Variants in VPS13B observed in about 807,000 individuals in gnomAD.
VPS13B encodes the protein intermembrane lipid transfer protein VPS13B.
Under a neutral mutation model 426.4 loss-of-function variants are expected in VPS13B, and 285 were observed. The observed-to-expected ratio is 0.67, with a 90% CI of 0.61 to 0.74. The LOEUF is 0.74. VPS13B is among the 30% of genes least tolerant of loss of function. VPS13B has a pLI of 0.00. For missense variants in VPS13B, 4,537 were observed against 4,782.6 expected (o/e 0.95, Z 1.51); for synonymous variants, 1,676 against 1,676.4 (o/e 1.00, Z 0.01).
At chr8:99,222,123 T>C (rs544561839) in intron 17 of VPS13B, among the ~76,000 whole-genome samples, 1 of 152,354 alleles carries the variant, frequency 6.6e-6, no homozygotes, top group Admixed American at 6.5e-5. Flanking sequence ...GGATGACCTG[T>C]AGGCCGTAAA....
At chr8:99,682,892 A>G (rs947919943) in intron 35 of VPS13B, among the ~76,000 whole-genome samples, 7 of 152,176 alleles carry the variant, frequency 4.6e-5, no homozygotes, top group Non-Finnish European at 8.8e-5. Flanking sequence ...CAGAAACCTT[A>G]GGAATCTACT....
At chr8:99,445,164 C>CA (rs1817851566) in intron 23 of VPS13B, among the ~76,000 whole-genome samples, 1 of 150,788 alleles carries the variant, frequency 6.6e-6, no homozygotes, top group Admixed American at 6.6e-5. Flanking sequence ...TTTTCACTTC[C>CA]TTGATGGCTT....
intron 39 of VPS13B, among the ~76,000 whole-genome samples, chr8:99,734,809 T>C (rs1005261081): frequency 5.9e-5 from 9 of 152,138 alleles, no homozygotes; most frequent in Admixed American, 2.0e-4. Context: ...GATGGAGACA[T>C]CTGGAGGCAG....
At chr8:99,637,104 A>G (rs1829102466) in intron 33 of VPS13B, among the ~76,000 whole-genome samples, 1 of 152,094 alleles carries the variant, frequency 6.6e-6, no homozygotes, top group African/African-American at 2.4e-5. Context: ...CCCCTTGGAC[A>G]ATAATAAAGC....
intron 19 of VPS13B, among the ~76,000 whole-genome samples, chr8:99,299,708 G>A (rs1168397174): frequency 6.6e-6 from 1 of 151,786 alleles, no homozygotes; most frequent in African/African-American, 2.4e-5. Flanking sequence ...TCAGGAGTTC[G>A]AGACCAGCTT....
At position 99,876,105 on chromosome 8, in the gene VPS13B, T is replaced by TCTC. The variant is rs1817690090; in HGVS notation, c.*440_*442dup. On this transcript the variant is annotated 3_prime_UTR_variant, in exon 62 of 62. Coordinates refer to ENST00000357162, the MANE Select transcript of VPS13B (RefSeq NM_152564.5). ...TAATTAATTTGGGTCTATTATTAACTCTCTGTTCCATCATAGAATGTGGCC... is the reference window on the plus strand; with the variant it reads ...TAATTAATTTGGGTCTATTATTAACTCTCCTCTGTTCCATCATAGAATGTGGCC... 1 of 199,194 alleles carries TCTC rather than the reference T, an allele frequency of 5.0e-6. No homozygotes were observed. The highest frequency in any genetic ancestry group is 1.0e-5 in the Non-Finnish European group (1 of 96,972). 12.3% of individuals were successfully genotyped at this position (199,194 alleles called of 1,614,324 possible).
chr8:99,481,743 A>C lies in VPS13B; in HGVS notation c.3811A>C (p.Thr1271Pro). The C allele has an allele frequency of 6.2e-7, 1 of 1,613,984 alleles. No individual in the cohort carries two copies. Among genetic ancestry groups the C allele is most frequent in the East Asian group, 2.2e-5 (1 of 44,868 alleles). Reference sequence around the variant, plus strand: ...TTCTCCAGTTAGAAGCAGTATAGGCACAGCTCCTCCAGATACCAGCACATG... The same window carrying C: ...TTCTCCAGTTAGAAGCAGTATAGGCCCAGCTCCTCCAGATACCAGCACATG... Reference protein sequence around the residue: ...PTSPVRSSIGTAPPDTSTCSP... With the variant: ...PTSPVRSSIGPAPPDTSTCSP... Residue 1271 changes from threonine (T) to proline (P), a missense_variant, in exon 25 of 62, where the codon ACA becomes CCA. By Grantham distance (38) the Thr-to-Pro change is conservative. Transcript: ENST00000357162.
intron 21 of VPS13B, among the ~76,000 whole-genome samples, chr8:99,418,203 A>G (rs566111142): frequency 6.6e-6 from 1 of 152,244 alleles, no homozygotes; most frequent in East Asian, 1.9e-4. Context: ...TAGGTACTCC[A>G]TAAGTAGTTT....
At chr8:99,819,023 T>C in intron 47 of VPS13B, 135 bp downstream of exon 47, 1 of 889,330 alleles carries the variant, frequency 1.1e-6, no homozygotes, top group Non-Finnish European at 1.8e-6. Flanking sequence ...GTATGATTTC[T>C]TATCTTATGA....
intron 34 of VPS13B, among the ~76,000 whole-genome samples, chr8:99,647,842 TG>T (rs1432756241): frequency 1.3e-5 from 2 of 152,126 alleles, no homozygotes; most frequent in African/African-American, 4.8e-5. Context: ...AGTATGGCTC[TG>T]GGTGATGCTT....
chr8:99,072,060 TC>T (rs1844880926), intron 3 of VPS13B, among the ~76,000 whole-genome samples: 1 of 152,010 alleles, frequency 6.6e-6, no homozygotes, highest in Non-Finnish European at 1.5e-5. Context: ...TTCTTGGTGC[TC>T]TGCGATTTTG....
intron 33 of VPS13B, among the ~76,000 whole-genome samples, chr8:99,595,989 C>CA (rs1196515895): frequency 2.0e-5 from 3 of 151,754 alleles, no homozygotes; most frequent in East Asian, 3.9e-4. Flanking sequence ...TGGCTACAGT[C>CA]AAAAAAAGTC....
chr8:99,102,018 A>G (rs1846780460), intron 4 of VPS13B, among the ~76,000 whole-genome samples: 2 of 152,096 alleles, frequency 1.3e-5, no homozygotes, highest in African/African-American at 4.8e-5. Context: ...AATGCTTTTT[A>G]TAAAGTGTTA....
intron 39 of VPS13B, among the ~76,000 whole-genome samples, chr8:99,753,866 C>T (rs1810512272): frequency 6.6e-6 from 1 of 152,160 alleles, no homozygotes; most frequent in African/African-American, 2.4e-5. Flanking sequence ...TGATGCAATG[C>T]AGTAAGCCAC....
intron 56 of VPS13B, among the ~76,000 whole-genome samples, chr8:99,858,291 G>A (rs1816655884): frequency 6.6e-6 from 1 of 152,248 alleles, no homozygotes; most frequent in South Asian, 2.1e-4. Flanking sequence ...CAGAGAGCCA[G>A]GGTAAGGGCA....
intron 33 of VPS13B, among the ~76,000 whole-genome samples, chr8:99,581,618 A>G (rs1053346548): frequency 6.6e-6 from 1 of 152,112 alleles, no homozygotes; most frequent in African/African-American, 2.4e-5. Flanking sequence ...TTCTCTATAC[A>G]TACAGGTTGA....
At chr8:99,221,496 G>A (rs1341461946) in intron 17 of VPS13B, among the ~76,000 whole-genome samples, 1 of 152,192 alleles carries the variant, frequency 6.6e-6, no homozygotes, top group Non-Finnish European at 1.5e-5. Flanking sequence ...TTTTTTAAAA[G>A]AGAGAGGCTT....
chr8:99,297,499 T>G (rs1820108537), intron 19 of VPS13B, among the ~76,000 whole-genome samples: 1 of 151,274 alleles, frequency 6.6e-6, no homozygotes, highest in African/African-American at 2.4e-5. Flanking sequence ...TAATAAGACA[T>G]CATTACTTCA....
intron 23 of VPS13B, among the ~76,000 whole-genome samples, chr8:99,459,805 A>G (rs572998089): frequency 1.3e-5 from 2 of 152,126 alleles, no homozygotes; most frequent in Non-Finnish European, 2.9e-5. Context: ...ATGTATATGT[A>G]CCTATAGTTG....
Sources: allele counts gnomAD v4.1 joint callset (sites outside exome capture counted in the v4.1 genomes callset), GRCh38; gene constraint gnomAD v4.1.1; transcripts MANE v1.5; gene names NCBI Gene and HGNC (gene_info 2026-07-23, HGNC 2026-07-21).